Variants in PCDHGB5 observed in about 807,000 individuals in gnomAD.
The protein encoded by PCDHGB5 is protocadherin gamma-B5.
Under a neutral mutation model 62.9 loss-of-function variants are expected in PCDHGB5, and 48 were observed. The observed-to-expected ratio is 0.76, with a 90% CI of 0.61 to 0.97. The LOEUF is 0.97. PCDHGB5 is among the 50% of genes least tolerant of loss of function. The pLI is 0.00. For missense variants in PCDHGB5, 1,118 were observed against 1,198.6 expected (o/e 0.93, Z 0.99); for synonymous variants, 474 against 511.2 (o/e 0.93, Z 0.98).
Position 141,490,799 on chromosome 5 carries a change from G to A in PCDHGB5, c.2398-4008G>A, listed in dbSNP as rs757092044. On this transcript the variant is annotated intron_variant, in intron 1 of 3. Coordinates refer to ENST00000617380, the MANE Select transcript of PCDHGB5 (RefSeq NM_018925.3). The surrounding 1 kb of genome is among the most constrained non-coding windows in gnomAD (Gnocchi z 5.4). ...GAGGATGGACGGATCTTTGCCCAGC[G>A]TACCTTTGACTATGAATTGCTGCAG... is the stretch of plus-strand genomic sequence containing the variant. 2.7e-5 allele frequency: 43 copies of A among 1,613,888 alleles called. No individual in the cohort carries two copies. Among genetic ancestry groups the A allele is most frequent in the Middle Eastern group, 3.3e-4 (2 of 6,062 alleles).
At chr5:141,472,411 C>T (rs747412647) in intron 1 of PCDHGB5, among the ~76,000 whole-genome samples, 9 of 151,918 alleles carry the variant, frequency 5.9e-5, no homozygotes, top group Admixed American at 3.3e-4. Flanking sequence ...CGTGGTGGCA[C>T]GCACCTGTAT....
chr5:141,408,889 A>G, intron 1 of PCDHGB5: 1 of 1,613,232 alleles, frequency 6.2e-7, no homozygotes, highest in Non-Finnish European at 8.5e-7. Flanking sequence ...CTCACATAGA[A>G]ATTTCTGTCA....
rs754299511 is a variant in PCDHGB5 at position 141,476,353 on chromosome 5, G to A, written c.2398-18454G>A. 4 of 1,614,202 alleles carry A rather than the reference G, an allele frequency of 2.5e-6. No individual in the cohort carries two copies. Among genetic ancestry groups the A allele is most frequent in the South Asian group, 1.1e-5 (1 of 91,082 alleles). On this transcript the variant is annotated intron_variant, in intron 1 of 3. Coordinates refer to ENST00000617380, the MANE Select transcript of PCDHGB5 (RefSeq NM_018925.3). The surrounding 1 kb of genome is among the most constrained non-coding windows in gnomAD (Gnocchi z 7.6). The stretch of plus-strand genomic sequence containing the variant: ...GAGCTAGCCGAAGATTCTTTGAGGT[G>A]AACCGGGAGACCGGAGAGATGTTTG...
rs764729742 is a variant in PCDHGB5 at position 141,450,826 on chromosome 5, A to ATTT, written c.2398-43979_2398-43978insTTT. On this transcript the variant is annotated intron_variant, in intron 1 of 3. Coordinates refer to ENST00000617380, the MANE Select transcript of PCDHGB5 (RefSeq NM_018925.3). ...TATTTATTTATTTAATATTATTATT[A>ATTT]TTATTTTTTTTTTTTTGAGATGGGG... 5.5e-3 allele frequency among the ~76,000 whole-genome samples: 742 copies of ATTT among 134,318 alleles called. 10 individuals are homozygous for ATTT. The highest frequency in any genetic ancestry group is 0.013 in the Middle Eastern group (3 of 230). 88.1% of individuals were successfully genotyped at this position (134,318 alleles called of 152,430 possible).
At chr5:141,480,414 C>CA (rs10712552) in intron 1 of PCDHGB5, among the ~76,000 whole-genome samples, 44 of 147,474 alleles carry the variant, frequency 3.0e-4, no homozygotes, top group Non-Finnish European at 4.4e-4. Context: ...GACCCTGTCT[C>CA]AAAAAAAAAA....
chr5:141,423,156 C>G, intron 1 of PCDHGB5: 1 of 1,613,388 alleles, frequency 6.2e-7, no homozygotes, highest in Non-Finnish European at 8.5e-7. Flanking sequence ...AGCAGAGCCT[C>G]GTGGTGGCCG....
chr5:141,400,371 C>A lies in PCDHGB5; in HGVS notation c.2244C>A (p.Tyr748Ter). The change falls in exon 1 of 4, where the codon TAC becomes TAA. Residue 748 changes from tyrosine to a stop codon, truncating the protein, a stop_gained. Transcript: ENST00000617380. LOFTEE classifies it high-confidence loss of function. ...NYSQGTLPYS[Y>*]NLCVAHTGKT... is the part of the protein sequence containing the mutation. ...GTCAGGGGACTTTGCCTTATTCCTA[C>A]AACCTATGTGTTGCACATACAGGAA... 1 of 1,614,056 alleles carries A rather than the reference C, an allele frequency of 6.2e-7. No homozygotes were observed. The highest frequency in any genetic ancestry group is 1.1e-5 in the South Asian group (1 of 91,088).
chr5:141,452,844 C>T (rs1239022315), intron 1 of PCDHGB5, among the ~76,000 whole-genome samples: 1 of 152,204 alleles, frequency 6.6e-6, no homozygotes, highest in Non-Finnish European at 1.5e-5. Context: ...CCAGCCCACA[C>T]TCTGGGGAGA....
Position 141,408,446 on chromosome 5 carries a change from G to A in PCDHGB5, c.2397+7922G>A, listed in dbSNP as rs371079756. 1.7e-5 allele frequency: 28 copies of A among 1,613,946 alleles called. No individual in the cohort carries two copies. Among genetic ancestry groups the A allele is most frequent in the Non-Finnish European group, 1.1e-5 (13 of 1,179,916 alleles). On this transcript the variant is annotated intron_variant, in intron 1 of 3. Transcript: ENST00000617380. ...GCACTTCAGCGTAGACGCGGAGAGC[G>A]GGGACTTACTTGTGAAGAACCGAAT...
intron 1 of PCDHGB5, among the ~76,000 whole-genome samples, chr5:141,401,338 A>G (rs2094142012): frequency 6.6e-6 from 1 of 152,186 alleles, no homozygotes; most frequent in Non-Finnish European, 1.5e-5. Flanking sequence ...GCAAAACTCC[A>G]TCTCAAAAAA....
At chr5:141,502,739 A>C (rs1287180048) in intron 2 of PCDHGB5, among the ~76,000 whole-genome samples, 1 of 152,070 alleles carries the variant, frequency 6.6e-6, no homozygotes, top group Non-Finnish European at 1.5e-5. Flanking sequence ...ATGTTCTGTC[A>C]TTCCTTCTAC....
At chr5:141,464,870 C>G (rs1488189681) in intron 1 of PCDHGB5, among the ~76,000 whole-genome samples, 1 of 152,126 alleles carries the variant, frequency 6.6e-6, no homozygotes, top group Non-Finnish European at 1.5e-5. Flanking sequence ...TCCCAAGTAG[C>G]TAGGACTACA....
chr5:141,457,798 C>T (rs1233396158), intron 1 of PCDHGB5, among the ~76,000 whole-genome samples: 5 of 152,194 alleles, frequency 3.3e-5, no homozygotes, highest in African/African-American at 9.6e-5. Context: ...GTTATCCTCT[C>T]CTCTTGAGGT....
In PCDHGB5 at chr5:141,489,537, C is replaced by T. The variant is rs2099688580; in HGVS notation, c.2398-5270C>T. 6.2e-6 allele frequency: 10 copies of T among 1,614,118 alleles called. No homozygotes were observed. Among genetic ancestry groups the T allele is most frequent in the Non-Finnish European group, 8.5e-6 (10 of 1,180,028 alleles). ...ACCGAGAAAGCCTATGTGGAGCCAG[C>T]ACCAGCTGCCTGCTGCCAGTGCAGG... On this transcript the variant is annotated intron_variant, in intron 1 of 3. Transcript: ENST00000617380. This position sits in a 1 kb window ranked among gnomAD's most constrained non-coding sequence, Gnocchi z 4.5.
chr5:141,431,090 G>C lies in PCDHGB5; in HGVS notation c.2397+30566G>C. On this transcript the variant is annotated intron_variant, in intron 1 of 3. Transcript: ENST00000617380. The surrounding 1 kb of genome is among the most constrained non-coding windows in gnomAD (Gnocchi z 4.8). ...TCAATTAAATCTAGACATTCTGATG[G>C]AGGATAAAGTGAAAATATATGGAGT... is the stretch of plus-strand genomic sequence containing the variant. 6.2e-7 allele frequency: 1 copy of C among 1,614,246 alleles called. No homozygotes were observed. The highest frequency in any genetic ancestry group is 8.5e-7 in the Non-Finnish European group (1 of 1,180,032).
rs73280920 is a variant in PCDHGB5 at position 141,453,809 on chromosome 5, A to G, written c.2398-40998A>G. Among the ~76,000 whole-genome samples, 1,254 of 152,338 alleles carry G rather than the reference A, an allele frequency of 8.2e-3. 17 individuals carry two copies. Among genetic ancestry groups the G allele is most frequent in the African/African-American group, 0.029 (1,191 of 41,572 alleles). On this transcript the variant is annotated intron_variant, in intron 1 of 3. Coordinates refer to ENST00000617380, the MANE Select transcript of PCDHGB5 (RefSeq NM_018925.3). ...GTATATTAACTTTGAGTAGTTCCATAAAGGACAAACTTGGCTGCTAGCCCT... is the reference window on the plus strand; with the variant it reads ...GTATATTAACTTTGAGTAGTTCCATGAAGGACAAACTTGGCTGCTAGCCCT...
chr5:141,469,731 C>T (rs1332201791), intron 1 of PCDHGB5, among the ~76,000 whole-genome samples: 1 of 152,214 alleles, frequency 6.6e-6, no homozygotes, highest in Non-Finnish European at 1.5e-5. Context: ...ATCATAAATA[C>T]ACACCTCAAA....
chr5:141,419,072 G>C (rs17208397), intron 1 of PCDHGB5: 242,774 of 1,613,756 alleles, frequency 0.15, 19,855 homozygotes, highest in Non-Finnish European at 0.17. Context: ...CTACAAGCTA[G>C]TAACAGATGA....
chr5:141,414,554 C>G (rs1184557964), intron 1 of PCDHGB5: 3 of 1,613,880 alleles, frequency 1.9e-6, no homozygotes, highest in East Asian at 2.2e-5. Context: ...TCTCAAGTCT[C>G]CTACTTTACC....
Sources: gnomAD v4.1 joint callset for allele counts (sites outside exome capture counted in the v4.1 genomes callset) on GRCh38, gnomAD v4.1.1 for gene constraint, Gnocchi (gnomAD v3.1) non-coding constraint, MANE v1.5 for transcripts, NCBI Gene and HGNC (gene_info 2026-07-23, HGNC 2026-07-21) for gene names.